The following ADGRB3 variants were observed in gnomAD, a reference collection of about 807,000 sequenced individuals.
The protein encoded by ADGRB3 is adhesion G protein-coupled receptor B3, also known as brain-specific angiogenesis inhibitor 3.
A neutral mutation model predicts 193.4 loss-of-function variants in ADGRB3; 37 were observed. That is an observed-to-expected ratio of 0.19 (90% CI 0.15 to 0.25). ADGRB3 has a LOEUF of 0.25. Ranked by LOEUF, ADGRB3 falls within the 10% of genes least tolerant of loss-of-function variation. ADGRB3 has a pLI of 1.00. For synonymous variants in ADGRB3, 690 were observed against 644.2 expected (o/e 1.07, Z -1.08); for missense variants, 1,637 against 1,852.9 (o/e 0.88, Z 2.14).
intron 8 of ADGRB3, among the ~76,000 whole-genome samples, chr6:68,966,655 G>A (rs534025913): frequency 6.6e-6 from 1 of 152,172 alleles, no homozygotes; most frequent in Non-Finnish European, 1.5e-5. Context: ...GGTACTCCCA[G>A]AGCAGCCAGG....
intron 23 of ADGRB3, chr6:69,331,922 T>C (rs770209228): frequency 5.1e-6 from 5 of 985,242 alleles, no homozygotes; most frequent in Non-Finnish European, 6.0e-6. Context: ...CAGGAAACTA[T>C]GAAGAGTGAC....
intron 31 of ADGRB3, among the ~76,000 whole-genome samples, chr6:69,386,959 TTGAG>T (rs1338707103): frequency 6.6e-6 from 1 of 152,096 alleles, no homozygotes; most frequent in South Asian, 2.1e-4. Context: ...CTACTATATA[TTGAG>T]TGTTTATTAA....
chr6:68,929,407 G>C (rs1440747695), intron 3 of ADGRB3, among the ~76,000 whole-genome samples: 2 of 152,100 alleles, frequency 1.3e-5, no homozygotes, highest in Non-Finnish European at 2.9e-5. Flanking sequence ...TGGTAGGACA[G>C]ATGAAAATGT....
chr6:69,132,254 G>A (rs760313822), intron 17 of ADGRB3, among the ~76,000 whole-genome samples: 2 of 152,218 alleles, frequency 1.3e-5, no homozygotes, highest in Middle Eastern at 3.4e-3. Flanking sequence ...CAGTGTAAAA[G>A]CGTTCCTATT....
At chr6:68,943,689 A>C (rs1022872387) in intron 5 of ADGRB3, 141 bp from the exon 6 acceptor site, 1 of 612,822 alleles carries the variant, frequency 1.6e-6, no homozygotes, top group Non-Finnish European at 2.5e-6. Flanking sequence ...TTTTATAAAA[A>C]ATAAGAATGT....
At chr6:69,115,908 C>A (rs1370413851) in intron 17 of ADGRB3, among the ~76,000 whole-genome samples, 2 of 152,132 alleles carry the variant, frequency 1.3e-5, no homozygotes, top group Non-Finnish European at 2.9e-5. Flanking sequence ...GTGGGTGTAT[C>A]AGTCTGGGTT....
intron 18 of ADGRB3, among the ~76,000 whole-genome samples, chr6:69,234,613 A>T (rs1195322630): frequency 6.6e-6 from 1 of 152,290 alleles, no homozygotes; most frequent in East Asian, 1.9e-4. Context: ...AGTTGTAAAT[A>T]GTAGCATCTA....
At chr6:69,172,251 C>A (rs979244880) in intron 17 of ADGRB3, among the ~76,000 whole-genome samples, 2 of 152,060 alleles carry the variant, frequency 1.3e-5, no homozygotes, top group Admixed American at 1.3e-4. Context: ...AAAACCAAAC[C>A]TAATTATGCC....
chr6:68,683,077 G>A (rs113274223), intron 3 of ADGRB3, among the ~76,000 whole-genome samples: 1 of 152,026 alleles, frequency 6.6e-6, no homozygotes, highest in African/African-American at 2.4e-5. Flanking sequence ...GAGCCACCGC[G>A]CCTGGCCAAT....
intron 17 of ADGRB3, among the ~76,000 whole-genome samples, chr6:69,091,733 C>T (rs912716791): frequency 3.3e-5 from 5 of 152,012 alleles, no homozygotes; most frequent in African/African-American, 1.2e-4. Flanking sequence ...AAGAAACCCC[C>T]ATGATACAAA....
intron 15 of ADGRB3, among the ~76,000 whole-genome samples, chr6:69,053,905 A>T (rs1486865457): frequency 3.3e-5 from 5 of 152,222 alleles, no homozygotes; most frequent in African/African-American, 7.2e-5. Flanking sequence ...TCAAGCCAAG[A>T]AATCAATAAA....
chr6:68,955,843 G>A (rs1768056281), intron 6 of ADGRB3, among the ~76,000 whole-genome samples, 181 bp from the exon 7 acceptor site: 1 of 152,032 alleles, frequency 6.6e-6, no homozygotes, highest in African/African-American at 2.4e-5. Context: ...ATAAAAGTGG[G>A]AAAATAAGGT....
chr6:68,674,171 CTTATACAGTTAGAGAGAGAA>C (rs1769029377), intron 3 of ADGRB3, among the ~76,000 whole-genome samples: 1 of 151,972 alleles, frequency 6.6e-6, no homozygotes, highest in African/African-American at 2.4e-5. Flanking sequence ...TGGTTGGCAT[CTTATACAGTTAGAGAGAGAA>C]AGGATTTTCT....
chr6:69,004,454 T>A (rs1769681685), intron 11 of ADGRB3, among the ~76,000 whole-genome samples: 1 of 152,094 alleles, frequency 6.6e-6, no homozygotes, highest in South Asian at 2.1e-4. Flanking sequence ...AGGGTACATG[T>A]GCACAACGTG....
chr6:68,821,407 C>A (rs73745887), intron 3 of ADGRB3, among the ~76,000 whole-genome samples: 6,535 of 151,980 alleles, frequency 0.043, 437 homozygotes, highest in African/African-American at 0.15. Flanking sequence ...ACACTACTCT[C>A]ACTTATCAAA....
rs532980737 is a variant in ADGRB3 at position 68,817,656 on chromosome 6, A to C, written c.758-112903A>C. Reference sequence around the variant, plus strand: ...TTGTAATAATCTGTAAGGTTGTTGTAAGATTTGGTAAAAATATCTATGATA... The same window carrying C: ...TTGTAATAATCTGTAAGGTTGTTGTCAGATTTGGTAAAAATATCTATGATA... On this transcript the variant is annotated intron_variant, in intron 3 of 31. Transcript: ENST00000370598. Among the ~76,000 whole-genome samples, 9 of 152,000 alleles carry C rather than the reference A, an allele frequency of 5.9e-5. 1 individual carries two copies. The South Asian group carries it at 1.9e-3, about 32-fold the overall frequency.
rs539136456 is a variant in ADGRB3 at position 68,851,730 on chromosome 6, T to G, written c.758-78829T>G. ...TCAATCTATCATTTTAAATTTAATCTTTCAATCTTTAGTGATAGAAAGTTT... is the reference window on the plus strand; with the variant it reads ...TCAATCTATCATTTTAAATTTAATCGTTCAATCTTTAGTGATAGAAAGTTT... On this transcript the variant is annotated intron_variant, in intron 3 of 31. Coordinates refer to ENST00000370598, the MANE Select transcript of ADGRB3 (RefSeq NM_001704.3). Among the ~76,000 whole-genome samples the G allele has an allele frequency of 6.6e-5, 10 of 152,054 alleles. No homozygotes were observed. In the East Asian group the frequency reaches 1.9e-3, roughly 29 times the overall value.
At chr6:68,954,827 C>T (rs558284732) in intron 6 of ADGRB3, among the ~76,000 whole-genome samples, 1 of 152,020 alleles carries the variant, frequency 6.6e-6, no homozygotes, top group South Asian at 2.1e-4. Context: ...ACTACAGGCG[C>T]CCGCCACCAT....
At chr6:68,831,734 TAGATTCTCC>T (rs74751698) in intron 3 of ADGRB3, among the ~76,000 whole-genome samples, 16,052 of 152,048 alleles carry the variant, frequency 0.11, 943 homozygotes, top group Non-Finnish European at 0.13. Context: ...TCAAAAGGAT[TAGATTCTCC>T]AGAAAGTCAA....
Sources: gnomAD v4.1 joint callset for allele counts (sites outside exome capture counted in the v4.1 genomes callset) on GRCh38, gnomAD v4.1.1 for gene constraint, MANE v1.5 for transcripts, NCBI Gene and HGNC (gene_info 2026-07-23, HGNC 2026-07-21) for gene names.